CYTH2: variants seen among roughly 807,000 people sequenced by gnomAD.
CYTH2 encodes the protein cytohesin 2, also known as cytohesin-2.
CYTH2 carries 24 observed loss-of-function variants against 55.4 expected under a neutral mutation model. The observed-to-expected ratio is 0.43, with a 90% CI of 0.31 to 0.61. The LOEUF (loss-of-function observed/expected upper bound fraction) is 0.61, where lower values mean the gene tolerates loss of function less well. Ranked by LOEUF, CYTH2 falls within the 20% of genes least tolerant of loss-of-function variation. CYTH2 has a pLI of 0.08. For missense variants in CYTH2, 378 were observed against 533.5 expected, an observed-to-expected ratio of 0.71 and a Z score of 2.87; for synonymous variants, 221 against 209.6, an observed-to-expected ratio of 1.05 and a Z score of -0.47.
At chr19:48,470,322 C>T in intron 1 of CYTH2, 31 bp from the exon 2 acceptor site, 2 of 1,581,502 alleles carry the variant, frequency 1.3e-6, no homozygotes, top group Non-Finnish European at 1.7e-6. Context: ...GCCCCTAGCA[C>T]TGACTTTTAA....
In CYTH2 at chr19:48,474,201, C is replaced by T. The variant is rs557093699; in HGVS notation, c.567C>T (p.Ser189=). The T allele has an allele frequency of 1.1e-5, 18 of 1,605,130 alleles. No homozygotes were observed. In the South Asian group the frequency reaches 1.7e-4, roughly 15 times the overall value. The change falls in exon 7 of 12, where the codon TCC becomes TCT. Residue 189 remains serine (S), a synonymous_variant. Coordinates refer to ENST00000452733, the MANE Select transcript of CYTH2 (RefSeq NM_004228.7). This position sits in a 1 kb window ranked among gnomAD's most constrained non-coding sequence, Gnocchi z 4.9. ...GTGCAGACACGTGCTATGTGCTGTC[C>T]TTCGCCGTCATCATGCTCAACACCA... ...FQSTDTCYVL[S]FAVIMLNTSL...
chr19:48,472,716 A>G (rs1971829103), intron 4 of CYTH2: 1 of 483,984 alleles, frequency 2.1e-6, no homozygotes, highest in East Asian at 4.1e-5. Flanking sequence ...AAGGGTAGAG[A>G]ACATCTCTCA....
At position 48,478,156 on chromosome 19, in the gene CYTH2, C is replaced by T. The variant is rs1971958323; in HGVS notation, c.885+11C>T. ...TTTGAGTACACCACGGTGAGCGTGACCCGACCCGGGCTCTGGGGTCCTGGG... is the reference window on the plus strand; with the variant it reads ...TTTGAGTACACCACGGTGAGCGTGATCCGACCCGGGCTCTGGGGTCCTGGG... On this transcript the variant is annotated intron_variant, in intron 9 of 11. Coordinates refer to ENST00000452733, the MANE Select transcript of CYTH2 (RefSeq NM_004228.7). 2 of 1,613,588 alleles carry T rather than the reference C, an allele frequency of 1.2e-6. No individual in the cohort carries two copies. The highest frequency in any genetic ancestry group is 1.1e-5 in the South Asian group (1 of 91,076).
chr19:48,470,079 C>T, intron 1 of CYTH2: 1 of 664,054 alleles, frequency 1.5e-6, no homozygotes, highest in Non-Finnish European at 2.8e-6. Context: ...CCAGCCCTTT[C>T]TTCCCTCAGA....
rs1010784436 is a variant in CYTH2 at position 48,474,086 on chromosome 19, G to T, written c.547+69G>T. On this transcript the variant is annotated intron_variant, in intron 6 of 11. Coordinates refer to ENST00000452733, the MANE Select transcript of CYTH2 (RefSeq NM_004228.7). This position sits in a 1 kb window ranked among gnomAD's most constrained non-coding sequence, Gnocchi z 4.9. ...GCCCAGACTCCTAGGTCTGAGGGAGGGAGGGGGCTGGGAGCTGGGAATCCT... is the reference window on the plus strand; with the variant it reads ...GCCCAGACTCCTAGGTCTGAGGGAGTGAGGGGGCTGGGAGCTGGGAATCCT... 1.2e-5 allele frequency: 18 copies of T among 1,547,772 alleles called. No homozygotes were observed. Among genetic ancestry groups the T allele is most frequent in the Admixed American group, 4.0e-5 (2 of 50,632 alleles).
chr19:48,474,872 A>G lies in CYTH2; in HGVS notation c.731A>G (p.Lys244Arg), dbSNP rs772117901. 3.1e-6 allele frequency: 5 copies of G among 1,614,174 alleles called. No individual in the cohort carries two copies. Among genetic ancestry groups the G allele is most frequent in the South Asian group, 1.1e-5 (1 of 91,088 alleles). The change falls in exon 8 of 12, where the codon AAG (lysine) becomes AGG (arginine). Residue 244 changes from lysine to arginine, a missense_variant. Transcript: ENST00000452733. This position sits in a 1 kb window ranked among gnomAD's most constrained non-coding sequence, Gnocchi z 4.9. ...GACAGCATCCGAAATGAGCCCTTCA[A>G]GATTCCTGAGGATGACGGGAATGAC... ...LYDSIRNEPF[K>R]IPEDDGNDLT...
intron 8 of CYTH2, chr19:48,476,088 C>T (rs1163751473): frequency 1.0e-5 from 5 of 502,132 alleles, no homozygotes; most frequent in Admixed American, 2.1e-5. Context: ...GAACTGTGCT[C>T]TTAAACCAGG....
rs1971974306 is a variant in CYTH2 at position 48,478,609 on chromosome 19, G to C, written c.1112+17G>C. The stretch of plus-strand genomic sequence containing the variant: ...GTCCATCCAGTGAGCCTGGACTCCT[G>C]GGCCTGATGGAGGAGGGGCTGGGGC... On this transcript the variant is annotated intron_variant, in intron 11 of 11. Transcript: ENST00000452733. 8 of 1,542,774 alleles carry C rather than the reference G, an allele frequency of 5.2e-6. No homozygotes were observed. Among genetic ancestry groups the C allele is most frequent in the Non-Finnish European group, 7.0e-6 (8 of 1,141,330 alleles).
intron 3 of CYTH2, among the ~76,000 whole-genome samples, chr19:48,471,166 T>TTGCGTGTGTGTGTGTGTGTGTGTG (rs1971784448): frequency 6.6e-6 from 1 of 150,536 alleles, no homozygotes; most frequent in African/African-American, 2.5e-5. Flanking sequence ...CACCTACTCT[T>TTGCGTGTGTGTGTGTGTGTGTGTG]TGTGTGTGTG....
At chr19:48,473,148 G>T (rs1223975518) in intron 4 of CYTH2, 150 bp from the exon 5 acceptor site, 1 of 768,922 alleles carries the variant, frequency 1.3e-6, no homozygotes, top group Non-Finnish European at 2.2e-6. Context: ...CTGGGGGCAG[G>T]CCTGTGTGGG....
At chr19:48,469,769 T>C (rs990088259) in intron 1 of CYTH2, 1 of 497,532 alleles carries the variant, frequency 2.0e-6, no homozygotes, top group African/African-American at 2.4e-5. Flanking sequence ...GATGGAGTGG[T>C]GGAGGCGAGG....
At chr19:48,477,881 G>A (rs779301808) in intron 8 of CYTH2, 188 bp from the exon 9 acceptor site, 143 of 575,380 alleles carry the variant, frequency 2.5e-4, no homozygotes, top group Middle Eastern at 1.9e-3. Flanking sequence ...CCCAAGCTGG[G>A]GGTGGACGAT....
rs887535289 is a variant in CYTH2 at position 48,478,345 on chromosome 19, C to T, written c.956C>T (p.Pro319Leu). The change falls in exon 10 of 12, where the codon CCG (proline) becomes CTG (leucine). Residue 319 changes from proline to leucine, a missense_variant and splice_region_variant. Transcript: ENST00000452733. ...SIREVDDPRK[P>L]NCFELYIPNN... ...CGAGAGGTGGACGACCCCCGGAAAC[C>T]GGTAAGACCCTCTCTGTACACCTTC... The T allele has an allele frequency of 7.4e-6, 12 of 1,614,014 alleles. No individual in the cohort carries two copies. The highest frequency in any genetic ancestry group is 5.5e-5 in the South Asian group (5 of 91,088).
chr19:48,475,860 C>T (rs1971902069), intron 8 of CYTH2: 4 of 274,140 alleles, frequency 1.5e-5, no homozygotes, highest in Non-Finnish European at 3.0e-5. Context: ...GTGCCACCTG[C>T]GTGTTAGATG....
At chr19:48,477,905 A>G in intron 8 of CYTH2, 164 bp from the exon 9 acceptor site, 1 of 589,494 alleles carries the variant, frequency 1.7e-6, no homozygotes. Flanking sequence ...TGGAGCCCCA[A>G]CATGCCTGGC....
intron 3 of CYTH2, 61 bp from the exon 4 acceptor site, chr19:48,472,264 A>T: frequency 6.6e-7 from 1 of 1,507,336 alleles, no homozygotes; most frequent in Admixed American, 1.7e-5. Flanking sequence ...TGAGGTTCCC[A>T]GGGAGGTGAG....
At chr19:48,476,863 C>A (rs919800564) in intron 8 of CYTH2, 1 of 152,130 alleles carries the variant, frequency 6.6e-6, no homozygotes, top group Non-Finnish European at 1.5e-5. Flanking sequence ...GACGACAGAG[C>A]GAGACAGTCT....
chr19:48,474,381 C>T lies in CYTH2; in HGVS notation c.696+51C>T, dbSNP rs1377248761. The T allele has an allele frequency of 3.3e-6, 5 of 1,524,406 alleles. No homozygotes were observed. The highest frequency in any genetic ancestry group is 4.4e-6 in the Non-Finnish European group (5 of 1,135,520). The allele number at this position is 1,524,406 out of a possible 1,614,324, so 94.4% of individuals were successfully genotyped here. On this transcript the variant is annotated intron_variant, in intron 7 of 11. Transcript: ENST00000452733. The surrounding 1 kb of genome is among the most constrained non-coding windows in gnomAD (Gnocchi z 4.9). Reference sequence around the variant, plus strand: ...GCCCTGCCCCTCTTCCTGCCACAGACACCCCCGCCCCACCTGTGGTCTCCT... The same window carrying T: ...GCCCTGCCCCTCTTCCTGCCACAGATACCCCCGCCCCACCTGTGGTCTCCT...
intron 1 of CYTH2, 44 bp downstream of exon 1, chr19:48,469,570 T>G: frequency 2.3e-6 from 3 of 1,308,476 alleles, no homozygotes; most frequent in Non-Finnish European, 2.9e-6. Flanking sequence ...TGCTGGAGCG[T>G]TTTCTCCTGA....
Sources: allele counts gnomAD v4.1 joint callset (sites outside exome capture counted in the v4.1 genomes callset), GRCh38; gene constraint gnomAD v4.1.1; non-coding constraint Gnocchi (gnomAD v3.1); transcripts MANE v1.5; gene names NCBI Gene and HGNC (gene_info 2026-07-23, HGNC 2026-07-21).